Variants in PLCE1 observed in about 807,000 individuals in gnomAD.
PLCE1 encodes the protein phospholipase C epsilon 1.
Under a neutral mutation model 242.8 loss-of-function variants are expected in PLCE1, and 119 were observed. The observed-to-expected ratio is 0.49, with a 90% CI of 0.42 to 0.57. The LOEUF (loss-of-function observed/expected upper bound fraction) is 0.57. Ranked by LOEUF, PLCE1 falls within the 20% of genes least tolerant of loss-of-function variation. The pLI is 0.00. For missense variants in PLCE1, 2,441 were observed against 2,788.8 expected, an observed-to-expected ratio of 0.88 and a Z score of 2.81; for synonymous variants, 945 against 1,017.4, an observed-to-expected ratio of 0.93 and a Z score of 1.35.
At chr10:94,266,764 G>C (rs575102603) in intron 16 of PLCE1, among the ~76,000 whole-genome samples, 2 of 152,196 alleles carry the variant, frequency 1.3e-5, no homozygotes, top group African/African-American at 4.8e-5. Context: ...CACCAGTGAG[G>C]TTTCTTTGTT....
Position 94,246,306 on chromosome 10 carries a change from A to G in PLCE1, c.2781A>G (p.Gly927=). 1 of 1,614,206 alleles carries G rather than the reference A, an allele frequency of 6.2e-7. No homozygotes were observed. Among genetic ancestry groups the G allele is most frequent in the Non-Finnish European group, 8.5e-7 (1 of 1,180,026 alleles). ...AATTCCCACTACTGGGTAATGCTGG[A>G]TTAAGTAGCCTGACGGAAGGGGTCT... The part of the protein sequence containing the change: ...PGKFPLLGNA[G]LSSLTEGVLD... The change falls in exon 8 of 33, where the codon GGA becomes GGG. Residue 927 remains glycine, a synonymous_variant. Transcript: ENST00000371380.
intron 4 of PLCE1, among the ~76,000 whole-genome samples, chr10:94,208,901 A>G (rs76558252): frequency 0.012 from 1,844 of 152,378 alleles, 25 homozygotes; most frequent in Non-Finnish European, 0.017. Context: ...AATCGTCGCC[A>G]CAATTCCTGC....
chr10:94,129,863 C>G (rs914618503), intron 2 of PLCE1, among the ~76,000 whole-genome samples: 32 of 152,166 alleles, frequency 2.1e-4, no homozygotes, highest in African/African-American at 7.2e-4. Flanking sequence ...CTTTATCAGG[C>G]CAGCTGACCT....
At chr10:94,160,008 T>G (rs1016597639) in intron 3 of PLCE1, among the ~76,000 whole-genome samples, 1 of 152,202 alleles carries the variant, frequency 6.6e-6, no homozygotes, top group Non-Finnish European at 1.5e-5. Context: ...TTTCTTAATC[T>G]GGTCTATCAT....
chr10:94,312,556 A>G (rs1475949175), intron 27 of PLCE1, among the ~76,000 whole-genome samples: 1 of 152,108 alleles, frequency 6.6e-6, no homozygotes, highest in African/African-American at 2.4e-5. Context: ...CATTTTTCAG[A>G]AAGCCCTCCC....
At chr10:93,996,135 G>A (rs1017307986) in intron 1 of PLCE1, among the ~76,000 whole-genome samples, 2 of 151,986 alleles carry the variant, frequency 1.3e-5, no homozygotes, top group East Asian at 1.9e-4. Context: ...GTGTGTGTGC[G>A]CGCGCGTGTG....
rs1179606462 is a variant in PLCE1, at chr10:94,298,904, C to A, written c.5458+235C>A. On this transcript the variant is annotated intron_variant, in intron 24 of 32. Transcript: ENST00000371380. This position sits in a 1 kb window ranked among gnomAD's most constrained non-coding sequence, Gnocchi z 5.2. ...GCCTGTAAGGTCTCCTGGTCCTGCCCCTTTTTTAATGCAGTTTTTCAAATA... is the reference window on the plus strand; with the variant it reads ...GCCTGTAAGGTCTCCTGGTCCTGCCACTTTTTTAATGCAGTTTTTCAAATA... 2.0e-5 allele frequency among the ~76,000 whole-genome samples: 3 copies of A among 152,128 alleles called. No individual in the cohort carries two copies. The highest frequency in any genetic ancestry group is 4.8e-5 in the African/African-American group (2 of 41,414).
intron 2 of PLCE1, among the ~76,000 whole-genome samples, chr10:94,124,030 A>G (rs1461713085): frequency 6.6e-6 from 1 of 152,238 alleles, no homozygotes; most frequent in Non-Finnish European, 1.5e-5. Flanking sequence ...CTAATGTATT[A>G]GAGAATAATG....
intron 5 of PLCE1, among the ~76,000 whole-genome samples, chr10:94,229,925 A>T (rs891500861): frequency 1.3e-5 from 2 of 152,196 alleles, no homozygotes; most frequent in African/African-American, 4.8e-5. Context: ...TACACAGGAG[A>T]TAAGTGGCCA....
Position 94,171,532 on chromosome 10 carries a change from T to A in PLCE1, c.1809+36T>A, listed in dbSNP as rs150526474. The A allele has an allele frequency of 6.2e-5, 94 of 1,526,150 alleles. 2 individuals carry two copies. In the Middle Eastern group the frequency reaches 2.2e-3, roughly 36 times the overall value. The allele number at this position is 1,526,150 out of a possible 1,614,324, so 94.5% of individuals were successfully genotyped here. On this transcript the variant is annotated intron_variant, in intron 4 of 32. Transcript: ENST00000371380. ...ACTTTTTGATGTCTTGGTATTTGAC[T>A]CACCCGTAAGTGATTTTCAAGCATA...
chr10:94,046,391 C>T (rs1158570368), intron 2 of PLCE1, among the ~76,000 whole-genome samples: 5 of 152,168 alleles, frequency 3.3e-5, no homozygotes, highest in African/African-American at 4.8e-5. Flanking sequence ...CCAGGAAGAG[C>T]CAGTATGGTC....
At position 94,234,205 on chromosome 10, in the gene PLCE1, G is replaced by A; in HGVS notation, c.2107G>A (p.Val703Ile). 1.2e-6 allele frequency: 2 copies of A among 1,614,178 alleles called. No individual in the cohort carries two copies. Among genetic ancestry groups the A allele is most frequent in the South Asian group, 1.1e-5 (1 of 91,086 alleles). ...CCTGCACATCCCTGGCTGTAAGGTG[G>A]TTCCATTCTGTGGGGTGTTTCTGAA... ...RALHIPGCKV[V>I]PFCGVFLKEL... Residue 703 changes from valine (V) to isoleucine (I), a missense_variant, in exon 6 of 33, where the codon GTT (valine) becomes ATT (isoleucine). Coordinates refer to ENST00000371380, the MANE Select transcript of PLCE1 (RefSeq NM_016341.4).
chr10:94,169,774 G>A (rs2047915844), intron 3 of PLCE1, among the ~76,000 whole-genome samples: 1 of 152,332 alleles, frequency 6.6e-6, no homozygotes, highest in Admixed American at 6.5e-5. Context: ...ATAATTGTCA[G>A]TGTCATCATA....
chr10:94,168,621 G>T (rs147734153), intron 3 of PLCE1, among the ~76,000 whole-genome samples: 1 of 152,136 alleles, frequency 6.6e-6, no homozygotes, highest in South Asian at 2.1e-4. Context: ...CACTAGACTT[G>T]TTATTCATTG....
intron 4 of PLCE1, among the ~76,000 whole-genome samples, chr10:94,191,631 AC>A (rs951719611): frequency 2.0e-4 from 31 of 151,874 alleles, no homozygotes; most frequent in African/African-American, 7.5e-4. Context: ...ACAGAGTGAG[AC>A]CCTTTCTCAG....
intron 2 of PLCE1, among the ~76,000 whole-genome samples, chr10:94,036,219 G>A (rs1247936185): frequency 6.6e-6 from 1 of 152,162 alleles, no homozygotes; most frequent in African/African-American, 2.4e-5. Flanking sequence ...AGGAGTGAGT[G>A]CTGCTCTGCT....
intron 13 of PLCE1, 29 bp from the exon 14 acceptor site, chr10:94,262,465 G>T (rs369731018): frequency 7.6e-6 from 11 of 1,438,090 alleles, no homozygotes; most frequent in Non-Finnish European, 1.1e-5. Context: ...TGGCTATCTT[G>T]TCCATGTACT....
rs571435166 is a variant in PLCE1, at chr10:94,083,801, T to G, written c.1207-48373T>G. Among the ~76,000 whole-genome samples the G allele has an allele frequency of 4.6e-5, 7 of 152,338 alleles. No homozygotes were observed. The East Asian group carries it at 1.4e-3, about 29-fold the overall frequency. On this transcript the variant is annotated intron_variant, in intron 2 of 32. Coordinates refer to ENST00000371380, the MANE Select transcript of PLCE1 (RefSeq NM_016341.4). ...CAGTCTGAATGACATTTGCCAAGTG[T>G]TGGCCTCGGAAAATTTATTGCTTCA...
chr10:94,079,982 T>A (rs1412792524), intron 2 of PLCE1, among the ~76,000 whole-genome samples: 1 of 152,248 alleles, frequency 6.6e-6, no homozygotes, highest in Non-Finnish European at 1.5e-5. Context: ...TTTACTATTG[T>A]GATGGGGAAT....
Sources: allele counts gnomAD v4.1 joint callset (sites outside exome capture counted in the v4.1 genomes callset), GRCh38; gene constraint gnomAD v4.1.1; non-coding constraint Gnocchi (gnomAD v3.1); transcripts MANE v1.5; gene names NCBI Gene and HGNC (gene_info 2026-07-23, HGNC 2026-07-21).